Variants in HDAC9 observed in about 807,000 individuals in gnomAD.
The protein encoded by HDAC9 is MEF-2 interacting transcription repressor (MITR) protein.
A neutral mutation model predicts 139.4 loss-of-function variants in HDAC9; 41 were observed. That is an observed-to-expected ratio of 0.29 (90% CI 0.23 to 0.38). The LOEUF is 0.38. Among genes scored for constraint, HDAC9 ranks in the 10% least tolerant of loss-of-function variants. HDAC9 has a pLI of 1.00. For synonymous variants in HDAC9, 517 were observed against 476.2 expected, an observed-to-expected ratio of 1.09 and a Z score of -1.12; for missense variants, 1,147 against 1,297.0, an observed-to-expected ratio of 0.88 and a Z score of 1.78.
At chr7:18,189,253 A>G (rs1383973377) in intron 2 of HDAC9, among the ~76,000 whole-genome samples, 1 of 152,024 alleles carries the variant, frequency 6.6e-6, no homozygotes, top group Non-Finnish European at 1.5e-5. Flanking sequence ...ACAGAAAACC[A>G]AACACCGCAT....
At chr7:18,233,437 C>A (rs984445638) in intron 2 of HDAC9, among the ~76,000 whole-genome samples, 5 of 134,742 alleles carry the variant, frequency 3.7e-5, no homozygotes, top group Admixed American at 7.4e-5. Flanking sequence ...TTGGGTCTTA[C>A]TTGGTTTAAC....
At chr7:18,713,847 GC>G (rs1397572786) in intron 12 of HDAC9, among the ~76,000 whole-genome samples, 1 of 152,026 alleles carries the variant, frequency 6.6e-6, no homozygotes, top group African/African-American at 2.4e-5. Flanking sequence ...CAGAAAGAAG[GC>G]AGAAGTTTGG....
At chr7:18,647,069 A>G (rs912959537) in intron 9 of HDAC9, among the ~76,000 whole-genome samples, 1 of 152,180 alleles carries the variant, frequency 6.6e-6, no homozygotes, top group Non-Finnish European at 1.5e-5. Flanking sequence ...ATTAGAAGCC[A>G]TGTAGAGAAA....
At chr7:18,734,955 T>G (rs2129137409) in intron 13 of HDAC9, among the ~76,000 whole-genome samples, 1 of 152,334 alleles carries the variant, frequency 6.6e-6, no homozygotes, top group East Asian at 1.9e-4. Context: ...GGTATCTCAT[T>G]GTGGTTTTGA....
chr7:18,679,344 A>C (rs1374320351), intron 12 of HDAC9, among the ~76,000 whole-genome samples: 3 of 152,002 alleles, frequency 2.0e-5, no homozygotes, highest in Non-Finnish European at 4.4e-5. Flanking sequence ...TTTTTACCCA[A>C]GTTTTTTGGA....
At chr7:18,243,568 T>C (rs1230683617) in intron 2 of HDAC9, among the ~76,000 whole-genome samples, 1 of 152,170 alleles carries the variant, frequency 6.6e-6, no homozygotes, top group East Asian at 1.9e-4. Flanking sequence ...TGCTGAGCAG[T>C]CTCCATTCAG....
chr7:18,866,265 T>A (rs775079105), intron 21 of HDAC9, among the ~76,000 whole-genome samples: 15 of 151,842 alleles, frequency 9.9e-5, no homozygotes, highest in Non-Finnish European at 1.9e-4. Flanking sequence ...GGTACCCCTG[T>A]CTCAACGTGC....
In HDAC9 at chr7:18,712,249, A is replaced by C. The variant is rs529031265; in HGVS notation, c.1732-15331A>C. On this transcript the variant is annotated intron_variant, in intron 12 of 25. Coordinates refer to ENST00000686413, the MANE Select transcript of HDAC9 (RefSeq NM_178425.4). ...GTTAAAATCCCTAAAGATGTTGACA[A>C]ATTTTTCATTAACTGCTTTCAGTTT... 5.3e-5 allele frequency among the ~76,000 whole-genome samples: 8 copies of C among 152,244 alleles called. 1 individual carries two copies. The highest frequency in any genetic ancestry group is 1.9e-4 in the African/African-American group (8 of 41,548).
At chr7:18,574,021 G>A (rs1825183182) in intron 2 of HDAC9, among the ~76,000 whole-genome samples, 1 of 152,236 alleles carries the variant, frequency 6.6e-6, no homozygotes, top group Non-Finnish European at 1.5e-5. Context: ...TCATACCCAG[G>A]AAGAATGAGG....
chr7:18,297,254 T>TA (rs528456590), intron 1 of HDAC9, among the ~76,000 whole-genome samples: 5 of 152,202 alleles, frequency 3.3e-5, no homozygotes, highest in African/African-American at 1.2e-4. Context: ...CTTTTTTATT[T>TA]AAAAAACTTT....
intron 2 of HDAC9, among the ~76,000 whole-genome samples, chr7:18,171,548 T>G (rs532014384): frequency 1.3e-5 from 2 of 152,274 alleles, no homozygotes; most frequent in Non-Finnish European, 2.9e-5. Flanking sequence ...ATGCTTCCAG[T>G]TTTTGCCCAT....
intron 2 of HDAC9, among the ~76,000 whole-genome samples, chr7:18,557,201 C>T (rs1301798319): frequency 6.6e-6 from 1 of 151,960 alleles, no homozygotes; most frequent in Non-Finnish European, 1.5e-5. Context: ...TTTTGGAGTT[C>T]TGTTATTTCA....
intron 21 of HDAC9, among the ~76,000 whole-genome samples, chr7:18,864,523 T>C (rs1197858142): frequency 1.3e-5 from 2 of 152,036 alleles, no homozygotes; most frequent in Non-Finnish European, 2.9e-5. Context: ...AGATCTGCTG[T>C]TTAACATTGT....
At chr7:18,318,559 G>A (rs574237112) in intron 1 of HDAC9, among the ~76,000 whole-genome samples, 1 of 152,066 alleles carries the variant, frequency 6.6e-6, no homozygotes, top group African/African-American at 2.4e-5. Context: ...AGTGGAGTGG[G>A]GCCTCAGCAT....
At chr7:18,111,761 T>A (rs370037779) in intron 1 of HDAC9, among the ~76,000 whole-genome samples, 2 of 152,314 alleles carry the variant, frequency 1.3e-5, no homozygotes, top group South Asian at 2.1e-4. Flanking sequence ...GAGGGCCAAT[T>A]GTAATTTAAA....
At chr7:18,683,077 G>A (rs758519290) in intron 12 of HDAC9, among the ~76,000 whole-genome samples, 28 of 151,958 alleles carry the variant, frequency 1.8e-4, no homozygotes, top group Non-Finnish European at 4.1e-4. Context: ...GTTTCTGCTA[G>A]AAAATGTAAT....
chr7:18,250,332 G>A (rs1032663487), intron 2 of HDAC9, among the ~76,000 whole-genome samples: 1 of 152,158 alleles, frequency 6.6e-6, no homozygotes, highest in Admixed American at 6.5e-5. Flanking sequence ...AGAAACATAT[G>A]TTGCATGTTC....
intron 1 of HDAC9, among the ~76,000 whole-genome samples, chr7:18,338,075 C>T (rs575912344): frequency 1.7e-3 from 251 of 151,786 alleles, no homozygotes; most frequent in African/African-American, 6.0e-3. Context: ...AAATCTACAA[C>T]AGGGTTAAGT....
intron 2 of HDAC9, among the ~76,000 whole-genome samples, chr7:18,497,035 A>G (rs1338762913): frequency 6.6e-6 from 1 of 152,126 alleles, no homozygotes; most frequent in Non-Finnish European, 1.5e-5. Flanking sequence ...TCTAATTTCT[A>G]GTTTCTCAAG....
Sources: gnomAD v4.1 joint callset for allele counts (sites outside exome capture counted in the v4.1 genomes callset) on GRCh38, gnomAD v4.1.1 for gene constraint, MANE v1.5 for transcripts, NCBI Gene and HGNC (gene_info 2026-07-23, HGNC 2026-07-21) for gene names.